Variants in MED12 observed in about 807,000 individuals in gnomAD.
MED12 encodes mediator complex subunit 12.
Under a neutral mutation model 177.7 loss-of-function variants are expected in MED12, and 10 were observed. The observed-to-expected ratio is 0.06, with a 90% CI of 0.03 to 0.10. The LOEUF (loss-of-function observed/expected upper bound fraction) is 0.10, where lower values mean the gene tolerates loss of function less well. Among genes scored for constraint, MED12 ranks in the 10% least tolerant of loss-of-function variants. The pLI, the probability that MED12 is intolerant of heterozygous loss-of-function variation, is 1.00. For missense variants in MED12, 867 were observed against 1,780.8 expected (o/e 0.49, Z 9.23); for synonymous variants, 641 against 678.4 (o/e 0.94, Z 0.86).
intron 42 of MED12, 91 bp from the exon 43 acceptor site, chrX:71,141,139 C>T (rs2092346359): frequency 8.6e-7 from 1 of 1,162,601 alleles, no homozygotes; most frequent in Admixed American, 2.6e-5. Context: ...AGCTCCCACC[C>T]TGCTTCCTCA....
chrX:71,127,498 G>A (rs1022530308), intron 21 of MED12, 31 bp downstream of exon 21: 8 of 1,182,854 alleles, frequency 6.8e-6, no homozygotes, highest in Non-Finnish European at 9.1e-6. Flanking sequence ...GGGGTAGCGA[G>A]TGGGACCTAC....
intron 23 of MED12, 63 bp from the exon 24 acceptor site, chrX:71,128,533 GGA>G: frequency 2.5e-6 from 3 of 1,209,732 alleles, no homozygotes; most frequent in Non-Finnish European, 3.4e-6. Flanking sequence ...TCCGTAGAGT[GGA>G]GGCACACCGC....
chrX:71,118,934 G>A (rs2092281966), intron 1 of MED12, 81 bp downstream of exon 1: 2 of 910,315 alleles, frequency 2.2e-6, no homozygotes, highest in East Asian at 6.7e-5. Flanking sequence ...TGGGAATGGG[G>A]GGCGGGGCGG....
At chrX:71,132,718 G>A (rs1343617666) in intron 31 of MED12, 127 bp from the exon 32 acceptor site, 4 of 844,792 alleles carry the variant, frequency 4.7e-6, no homozygotes, top group Non-Finnish European at 6.8e-6. Flanking sequence ...AATGAGGTTG[G>A]AAGTTGACTC....
chrX:71,123,771 A>G lies in MED12; in HGVS notation c.1744+51A>G, dbSNP rs12841977. 0.28 allele frequency: 320,988 copies of G among 1,135,325 alleles called. 35,173 individuals are homozygous for G. Among genetic ancestry groups the G allele is most frequent in the Middle Eastern group, 0.41 (1,735 of 4,215 alleles). The allele number at this position is 1,135,325 out of a possible 1,213,427, so 93.6% of individuals were successfully genotyped here. A position where few individuals can be genotyped will look rare whatever the true frequency, so the allele number is the denominator to read the frequency against. ...TACCTCTGCCTAGACTCAGTTACCC[A>G]CCACTGTCATCAGAAAGCATAATTA... On this transcript the variant is annotated intron_variant, in intron 12 of 44. Coordinates refer to ENST00000374080, the MANE Select transcript of MED12 (RefSeq NM_005120.3).
intron 13 of MED12, 96 bp from the exon 14 acceptor site, chrX:71,124,668 C>T: frequency 1.5e-6 from 1 of 684,871 alleles, no homozygotes; most frequent in East Asian, 3.4e-5. Context: ...TTTCCCCAAT[C>T]TGGTCTTCTC....
In MED12 at chrX:71,141,277, ACAGCAG is replaced by A; in HGVS notation, c.6324_6329del (p.Gln2114_Gln2115del). Reference sequence around the variant, plus strand: ...AGCAGCAGCAGCAGCAGCAACAGCAACAGCAGCAGCAGCAACAGCAACAACAGCAAC... The same window carrying A: ...AGCAGCAGCAGCAGCAGCAACAGCAACAGCAGCAACAGCAACAACAGCAAC... On this transcript the variant is annotated inframe_deletion, in exon 43 of 45. Coordinates refer to ENST00000374080, the MANE Select transcript of MED12 (RefSeq NM_005120.3). The A allele has an allele frequency of 2.6e-6, 3 of 1,158,868 alleles. No homozygotes were observed. Among genetic ancestry groups the A allele is most frequent in the East Asian group, 3.3e-5 (1 of 30,632 alleles).
chrX:71,130,352 G>T, intron 28 of MED12, 138 bp downstream of exon 28: 1 of 622,927 alleles, frequency 1.6e-6, no homozygotes, highest in Non-Finnish European at 2.5e-6. Flanking sequence ...GAGAGGTAGC[G>T]AGAGAAACAG....
intron 41 of MED12, among the ~76,000 whole-genome samples, chrX:71,140,080 C>A (rs866152453): frequency 1.1e-5 from 1 of 88,648 alleles, no homozygotes; most frequent in Non-Finnish European, 2.2e-5. Context: ...TCTTTTCTTT[C>A]TTTTTTTTTT....
rs1277090730 is a variant in MED12 at position 71,121,708 on chromosome X, C to T, written c.993C>T (p.Thr331=). 7.4e-6 allele frequency: 9 copies of T among 1,211,390 alleles called. No homozygotes were observed. Among genetic ancestry groups the T allele is most frequent in the Non-Finnish European group, 1.0e-5 (9 of 895,278 alleles). ...AGTCAACAAGCACGCTACCCACCAC[C>T]CCTGCTCCTCAGCCCCCAACTAGCA... The part of the protein sequence containing the change: ...SAQSTSTLPT[T]PAPQPPTSST... The change falls in exon 7 of 45, where the codon ACC becomes ACT. Residue 331 remains threonine (T), a synonymous_variant. Transcript: ENST00000374080.
chrX:71,125,269 G>A, intron 15 of MED12, 82 bp from the exon 16 acceptor site: 1 of 1,195,523 alleles, frequency 8.4e-7, no homozygotes, highest in Non-Finnish European at 1.1e-6. Context: ...TTTAGCATGT[G>A]GATGCTGAGG....
chrX:71,126,635 C>T, intron 19 of MED12, 151 bp downstream of exon 19: 1 of 752,165 alleles, frequency 1.3e-6, no homozygotes, highest in East Asian at 3.2e-5. Flanking sequence ...GGAACATGAG[C>T]TAAGACTGCA....
chrX:71,123,823 T>C, intron 12 of MED12, 103 bp downstream of exon 12: 2 of 888,865 alleles, frequency 2.3e-6, no homozygotes, highest in Non-Finnish European at 3.2e-6. Flanking sequence ...TATTTCTCTC[T>C]TGGGCTCTAT....
At chrX:71,121,911 TG>T in intron 7 of MED12, 95 bp downstream of exon 7, 1 of 1,129,013 alleles carries the variant, frequency 8.9e-7, no homozygotes, top group Non-Finnish European at 1.2e-6. Flanking sequence ...AAATTGGATG[TG>T]GGAGTAGGTG....
chrX:71,125,637 T>TGGGGGGGGGGGGGG, intron 16 of MED12, 26 bp from the exon 17 acceptor site: 1 of 1,092,092 alleles, frequency 9.2e-7, no homozygotes, highest in Non-Finnish European at 1.3e-6. Flanking sequence ...TTTTGAAACT[T>TGGGGGGGGGGGGGG]CCCCCCTCAT....
Position 71,128,655 on chromosome X carries a change from C to A in MED12, c.3412C>A (p.Arg1138=), listed in dbSNP as rs1057523906. 1 of 1,210,497 alleles carries A rather than the reference C, an allele frequency of 8.3e-7. No individual in the cohort carries two copies. The highest frequency in any genetic ancestry group is 1.1e-6 in the Non-Finnish European group (1 of 894,952). Residue 1138 remains arginine, a synonymous_variant, in exon 24 of 45, where the codon CGG becomes AGG. Coordinates refer to ENST00000374080, the MANE Select transcript of MED12 (RefSeq NM_005120.3). ...LATFVAILIA[R]QCLLLEDLIR... ...TACTTTTGTTGCCATCCTCATCGCT[C>A]GGCAGTGTTTGCTCCTGGAAGATCT...
rs201283002 is a variant in MED12 at position 71,123,280 on chromosome X, C to G, written c.1617+54C>G. On this transcript the variant is annotated intron_variant, in intron 11 of 44. Transcript: ENST00000374080. ...TTGGCCAATGGGAAGGAATTTACTGCGGTTGGAGACCGAGAGATGGAGGTG... is the reference window on the plus strand; with the variant it reads ...TTGGCCAATGGGAAGGAATTTACTGGGGTTGGAGACCGAGAGATGGAGGTG... 7 of 1,182,151 alleles carry G rather than the reference C, an allele frequency of 5.9e-6. No individual in the cohort carries two copies. The East Asian group carries it at 2.1e-4, about 35-fold the overall frequency.
intron 14 of MED12, 28 bp downstream of exon 14, chrX:71,124,872 T>A (rs757193401): frequency 8.4e-6 from 10 of 1,191,767 alleles, no homozygotes; most frequent in African/African-American, 1.8e-5. Context: ...CGTGGCAGAA[T>A]CTGGATCCTT....
At position 71,131,618 on chromosome X, in the gene MED12, C is replaced by T; in HGVS notation, c.4116C>T (p.Asn1372=). The change falls in exon 29 of 45, where the codon AAC becomes AAT. Residue 1372 remains asparagine, a synonymous_variant. Coordinates refer to ENST00000374080, the MANE Select transcript of MED12 (RefSeq NM_005120.3). ...ELQLMIKQTP[N]NEMNSLLENI... is the part of the protein sequence containing the mutation. ...AGCTCATGATCAAGCAGACCCCTAA[C>T]AATGTGAGTAGTGCCTGGACCCTCC... 1 of 1,210,215 alleles carries T rather than the reference C, an allele frequency of 8.3e-7. No homozygotes were observed. Among genetic ancestry groups the T allele is most frequent in the Non-Finnish European group, 1.1e-6 (1 of 894,327 alleles).
Sources: gnomAD v4.1 joint callset for allele counts (sites outside exome capture counted in the v4.1 genomes callset) on GRCh38, gnomAD v4.1.1 for gene constraint, MANE v1.5 for transcripts, NCBI Gene and HGNC (gene_info 2026-07-23, HGNC 2026-07-21) for gene names.